SDK1: variants seen among roughly 807,000 people sequenced by gnomAD.
The protein encoded by SDK1 is sidekick cell adhesion molecule 1, also known as protein sidekick-1.
In SDK1, 157 loss-of-function variants were observed where a neutral mutation model predicts 245.5. The ratio of observed to expected loss-of-function variants is 0.64; its 90% confidence interval spans 0.56 to 0.73. The LOEUF (loss-of-function observed/expected upper bound fraction) is 0.73, where lower values mean the gene tolerates loss of function less well. SDK1 is among the 30% of genes least tolerant of loss of function. The probability of loss-of-function intolerance (pLI) is 0.00; values close to 1 mark genes in which losing one functional copy is unlikely to be tolerated. For synonymous variants in SDK1, 1,647 were observed against 1,278.5 expected, an observed-to-expected ratio of 1.29 and a Z score of -6.15; for missense variants, 3,583 against 3,002.3, an observed-to-expected ratio of 1.19 and a Z score of -4.52.
At chr7:4,040,281 G>A (rs74428814) in intron 17 of SDK1, among the ~76,000 whole-genome samples, 1,888 of 152,244 alleles carry the variant, frequency 0.012, 41 homozygotes, top group African/African-American at 0.037. Context: ...CTCTGCCTGA[G>A]CACTTAGGTT....
chr7:4,100,374 C>CG (rs1562808666), intron 22 of SDK1, among the ~76,000 whole-genome samples: 1 of 152,060 alleles, frequency 6.6e-6, no homozygotes, highest in Non-Finnish European at 1.5e-5. Context: ...AAGGCTGTTT[C>CG]GGGGGACACA....
chr7:3,736,395 C>T lies in SDK1; in HGVS notation c.714-85055C>T, dbSNP rs184322566. Among the ~76,000 whole-genome samples the T allele has an allele frequency of 5.5e-3, 832 of 152,218 alleles. 4 individuals carry two copies. Among genetic ancestry groups the T allele is most frequent in the African/African-American group, 0.02 (810 of 41,534 alleles). On this transcript the variant is annotated intron_variant, in intron 4 of 44. Coordinates refer to ENST00000404826, the MANE Select transcript of SDK1 (RefSeq NM_152744.4). Reference sequence around the variant, plus strand: ...GCGAGCTCTGCCTCCCGGGTTCACGCCCTTCTCCTGCCTCAGCCTCCCAAG... The same window carrying T: ...GCGAGCTCTGCCTCCCGGGTTCACGTCCTTCTCCTGCCTCAGCCTCCCAAG...
chr7:3,547,393 T>C (rs1362364712), intron 1 of SDK1, among the ~76,000 whole-genome samples: 3 of 152,228 alleles, frequency 2.0e-5, no homozygotes, highest in African/African-American at 7.2e-5. Context: ...GCAAAGACTG[T>C]ATCTGGGTGA....
At position 3,441,615 on chromosome 7, in the gene SDK1, A is replaced by G. The variant is rs561634236; in HGVS notation, c.298+139731A>G. On this transcript the variant is annotated intron_variant, in intron 1 of 44. Transcript: ENST00000404826. ...CTATTTTGATTGCTGTCACTTCATC[A>G]TAATTCCTGAAGTCAGGTATCATTA... Among the ~76,000 whole-genome samples, 5 of 152,278 alleles carry G rather than the reference A, an allele frequency of 3.3e-5. 1 individual carries two copies. The highest frequency in any genetic ancestry group is 1.2e-4 in the African/African-American group (5 of 41,560).
At chr7:3,725,558 T>G (rs1778982718) in intron 4 of SDK1, among the ~76,000 whole-genome samples, 1 of 152,210 alleles carries the variant, frequency 6.6e-6, no homozygotes, top group Admixed American at 6.5e-5. Flanking sequence ...CCAGCACCTT[T>G]AGCTCACTCT....
intron 22 of SDK1, among the ~76,000 whole-genome samples, chr7:4,105,287 G>A (rs1430457321): frequency 6.7e-6 from 1 of 148,540 alleles, no homozygotes; most frequent in Non-Finnish European, 1.5e-5. Flanking sequence ...CTGGCCAGGA[G>A]TTATATTTTT....
At chr7:3,387,192 A>G (rs1212722381) in intron 1 of SDK1, among the ~76,000 whole-genome samples, 2 of 152,084 alleles carry the variant, frequency 1.3e-5, no homozygotes, top group African/African-American at 2.4e-5. Flanking sequence ...GAGTACATCT[A>G]TATGTGTACT....
In SDK1 at chr7:3,399,885, T is replaced by C. The variant is rs373665813; in HGVS notation, c.298+98001T>C. ...CCATTTAAATTTTTGGCTGGACTCT[T>C]GGCTGCCCAACTGGTATGGCCGACT... On this transcript the variant is annotated intron_variant, in intron 1 of 44. Coordinates refer to ENST00000404826, the MANE Select transcript of SDK1 (RefSeq NM_152744.4). Among the ~76,000 whole-genome samples, 117 of 152,302 alleles carry C rather than the reference T, an allele frequency of 7.7e-4. 1 individual carries two copies. Among genetic ancestry groups the C allele is most frequent in the South Asian group, 6.0e-3 (29 of 4,828 alleles).
chr7:3,321,713 T>TCCATCTC lies in SDK1; in HGVS notation c.298+19831_298+19832insATCTCCC, dbSNP rs1384825601. Among the ~76,000 whole-genome samples the TCCATCTC allele has an allele frequency of 1.1e-4, 8 of 75,934 alleles. No homozygotes were observed. In the East Asian group the frequency reaches 2.5e-3, roughly 24 times the overall value. The allele number at this position is 75,934 out of a possible 152,430, so 49.8% of individuals were successfully genotyped here. On this transcript the variant is annotated intron_variant, in intron 1 of 44. Transcript: ENST00000404826. ...TTCCTTCTCCTCCTCCTCCTCCCCCTCCCTCTCCCCTCTCCCTCCCATCCC... is the reference window on the plus strand; with the variant it reads ...TTCCTTCTCCTCCTCCTCCTCCCCCTCCATCTCCCCTCTCCCCTCTCCCTCCCATCCC...
chr7:3,806,422 G>T (rs1036863260), intron 4 of SDK1, among the ~76,000 whole-genome samples: 3 of 152,204 alleles, frequency 2.0e-5, no homozygotes, highest in Non-Finnish European at 2.9e-5. Context: ...GGCCCACCAC[G>T]AGAAGGCTCA....
chr7:3,556,027 A>G (rs889688933), intron 1 of SDK1, among the ~76,000 whole-genome samples: 1 of 152,178 alleles, frequency 6.6e-6, no homozygotes, highest in Non-Finnish European at 1.5e-5. Context: ...AAAAAAGTAA[A>G]AATAGAGCTA....
intron 1 of SDK1, among the ~76,000 whole-genome samples, chr7:3,535,049 G>A (rs182824586): frequency 1.8e-4 from 27 of 152,184 alleles, no homozygotes; most frequent in African/African-American, 6.5e-4. Flanking sequence ...CAAGGTGGGC[G>A]GATCACCTGA....
At chr7:4,092,310 A>AC (rs1781858265) in intron 22 of SDK1, among the ~76,000 whole-genome samples, 1 of 151,852 alleles carries the variant, frequency 6.6e-6, no homozygotes, top group Admixed American at 6.6e-5. Context: ...GTGCTCGCCT[A>AC]CCCCCTGTCC....
chr7:3,313,663 G>A (rs914571620), intron 1 of SDK1, among the ~76,000 whole-genome samples: 6 of 152,186 alleles, frequency 3.9e-5, no homozygotes, highest in Non-Finnish European at 7.3e-5. Flanking sequence ...GAGAGTGTAA[G>A]CAGTAGGGAC....
At chr7:4,123,771 ACTGGG>A (rs1399068441) in intron 25 of SDK1, among the ~76,000 whole-genome samples, 1 of 152,124 alleles carries the variant, frequency 6.6e-6, no homozygotes, top group Non-Finnish European at 1.5e-5. Flanking sequence ...GACAGGCATC[ACTGGG>A]GGTTTTCTAT....
At chr7:3,302,856 A>G (rs75196902) in intron 1 of SDK1, among the ~76,000 whole-genome samples, 6,587 of 152,244 alleles carry the variant, frequency 0.043, 440 homozygotes, top group African/African-American at 0.14. Context: ...AAGGAACTCG[A>G]TATTCTGAGA....
At chr7:3,900,155 T>A (rs1312587612) in intron 5 of SDK1, among the ~76,000 whole-genome samples, 1 of 152,228 alleles carries the variant, frequency 6.6e-6, no homozygotes, top group Non-Finnish European at 1.5e-5. Flanking sequence ...TTGGTGCTAC[T>A]CCTTCTAATC....
chr7:3,354,330 GA>G lies in SDK1; in HGVS notation c.298+52456del, dbSNP rs113801652. ...AGCATTCAGATTATTAAGTCAAACG[GA>G]AAAAAAAAACAGGGATATAAACCTA... On this transcript the variant is annotated intron_variant, in intron 1 of 44. Coordinates refer to ENST00000404826, the MANE Select transcript of SDK1 (RefSeq NM_152744.4). 3.2e-4 allele frequency among the ~76,000 whole-genome samples: 46 copies of G among 145,600 alleles called. 1 individual carries two copies. Among genetic ancestry groups the G allele is most frequent in the Admixed American group, 5.5e-4 (8 of 14,656 alleles).
At chr7:3,982,788 T>C (rs1043508886) in intron 13 of SDK1, among the ~76,000 whole-genome samples, 2 of 150,286 alleles carry the variant, frequency 1.3e-5, no homozygotes, top group African/African-American at 4.9e-5. Flanking sequence ...TGCAGTGAGC[T>C]GAGATCGTGC....
Sources: gnomAD v4.1 joint callset for allele counts (sites outside exome capture counted in the v4.1 genomes callset) on GRCh38, gnomAD v4.1.1 for gene constraint, MANE v1.5 for transcripts, NCBI Gene and HGNC (gene_info 2026-07-23, HGNC 2026-07-21) for gene names.